The following KLF8 variants were observed in gnomAD, a reference collection of about 807,000 sequenced individuals.
KLF8 encodes the protein Krueppel-like factor 8.
KLF8 carries 10 observed loss-of-function variants against 18.2 expected under a neutral mutation model. The observed-to-expected ratio is 0.55, with a 90% CI of 0.34 to 0.93. The LOEUF (loss-of-function observed/expected upper bound fraction) is 0.93, where lower values mean the gene tolerates loss of function less well. KLF8 is among the 40% of genes least tolerant of loss of function. The probability of loss-of-function intolerance (pLI) is 0.02; values close to 1 mark genes in which losing one functional copy is unlikely to be tolerated. For missense variants in KLF8, 264 were observed against 277.9 expected (o/e 0.95, Z 0.36); for synonymous variants, 109 against 97.3 (o/e 1.12, Z -0.71).
the KLF8 span, among the ~76,000 whole-genome samples, chrX:55,920,609 C>T: frequency 3.7e-5 from 4 of 107,928 alleles, no homozygotes; most frequent in African/African-American, 1.0e-4. Flanking sequence ...CAAGGACACA[C>T]TTAGAGAAAT....
chrX:56,003,329 G>A, the KLF8 span, among the ~76,000 whole-genome samples: 2 of 110,778 alleles, frequency 1.8e-5, no homozygotes, highest in African/African-American at 6.6e-5. Context: ...AGAATTGCTT[G>A]AACCTGGGAG....
the KLF8 span, among the ~76,000 whole-genome samples, chrX:56,050,053 A>C: frequency 2.2e-4 from 24 of 108,609 alleles, no homozygotes; most frequent in Admixed American, 9.8e-5. Context: ...GTTTATTTGC[A>C]TAGAGGTGTT....
the KLF8 span, among the ~76,000 whole-genome samples, chrX:55,934,903 T>C: frequency 1.8e-5 from 2 of 111,776 alleles, no homozygotes; most frequent in Non-Finnish European, 3.8e-5. Context: ...GAGACCACAG[T>C]AACCTGGTTT....
At chrX:56,044,979 GCCAATGTCTAGAAGGGGTTTT>G in the KLF8 span, among the ~76,000 whole-genome samples, 1 of 112,359 alleles carries the variant, frequency 8.9e-6, no homozygotes, top group Non-Finnish European at 1.9e-5. Flanking sequence ...CTTTGCCTAA[GCCAATGTCTAGAAGGGGTTTT>G]CCAACATTCT....
At chrX:56,284,015 G>A (rs1475869715) in intron 5 of KLF8, among the ~76,000 whole-genome samples, 1 of 111,705 alleles carries the variant, frequency 9.0e-6, no homozygotes, top group Non-Finnish European at 1.9e-5. Flanking sequence ...AAATCAATGA[G>A]AGAGTAGATT....
the KLF8 span, among the ~76,000 whole-genome samples, chrX:56,186,541 A>G: frequency 9.0e-6 from 1 of 111,708 alleles, no homozygotes; most frequent in East Asian, 2.8e-4. Flanking sequence ...AGACATCTAC[A>G]GAACTCTCCA....
chrX:56,130,852 G>T, the KLF8 span, among the ~76,000 whole-genome samples: 13 of 111,646 alleles, frequency 1.2e-4, no homozygotes, highest in Non-Finnish European at 2.3e-4. Flanking sequence ...ACAGAGAAAT[G>T]CGAAATGTAC....
At chrX:55,915,276 A>T in the KLF8 span, among the ~76,000 whole-genome samples, 1 of 111,920 alleles carries the variant, frequency 8.9e-6, no homozygotes, top group African/African-American at 3.2e-5. Context: ...AGAAACTGGG[A>T]ATACTCTGCT....
the KLF8 span, among the ~76,000 whole-genome samples, chrX:55,920,414 C>T: frequency 9.0e-6 from 1 of 111,439 alleles, no homozygotes; most frequent in Non-Finnish European, 1.9e-5. Flanking sequence ...GGATCCAAAC[C>T]ATGACGAAAT....
the KLF8 span, among the ~76,000 whole-genome samples, chrX:56,069,276 A>T: frequency 1.8e-5 from 2 of 111,675 alleles, no homozygotes; most frequent in African/African-American, 6.5e-5. Flanking sequence ...CACTGATCTA[A>T]TCCCTGCCAC....
At position 56,245,618 on chromosome X, in the gene KLF8, T is replaced by C. The variant is rs1242074974; in HGVS notation, c.8-4613T>C. Among the ~76,000 whole-genome samples the C allele has an allele frequency of 7.1e-5, 8 of 112,042 alleles. No homozygotes were observed. In the Admixed American group the frequency reaches 7.6e-4, roughly 11 times the overall value. On this transcript the variant is annotated intron_variant, in intron 1 of 5. Coordinates refer to ENST00000468660, the MANE Select transcript of KLF8 (RefSeq NM_007250.5). ...TAGGAGAAGGACCAGAAAGTCCAGC[T>C]TGTAGACACAAAGGCTTGAAGAGCC...
the KLF8 span, among the ~76,000 whole-genome samples, chrX:56,056,264 C>T: frequency 6.4e-5 from 7 of 109,912 alleles, no homozygotes; most frequent in Admixed American, 9.8e-5. Flanking sequence ...ATTTTATTTA[C>T]GCCCTTTATG....
At chrX:56,250,559 T>C (rs896244827) in intron 2 of KLF8, among the ~76,000 whole-genome samples, 1 of 111,779 alleles carries the variant, frequency 8.9e-6, no homozygotes, top group African/African-American at 3.3e-5. Context: ...TAGTAGACAA[T>C]AGCAACTATT....
the KLF8 span, among the ~76,000 whole-genome samples, chrX:56,159,507 C>T: frequency 2.7e-5 from 3 of 112,453 alleles, no homozygotes; most frequent in Non-Finnish European, 5.6e-5. Flanking sequence ...GCTGTGAATC[C>T]ATCTGGTCCT....
In KLF8 at chrX:56,281,244, A is replaced by G. The variant is rs141618821; in HGVS notation, c.899-3069A>G. 2.2e-4 allele frequency among the ~76,000 whole-genome samples: 24 copies of G among 111,391 alleles called. No individual in the cohort carries two copies. In the East Asian group the frequency reaches 6.8e-3, roughly 32 times the overall value. On this transcript the variant is annotated intron_variant, in intron 5 of 5. Transcript: ENST00000468660. ...CATAATACTCTTGTAAGGATGTTCC[A>G]TGCTCCAAGACAGCTGACCCTATAT...
chrX:56,006,815 C>T, the KLF8 span, among the ~76,000 whole-genome samples: 4 of 112,041 alleles, frequency 3.6e-5, no homozygotes, highest in Admixed American at 3.8e-4. Flanking sequence ...TTGACTGTGG[C>T]AGGTTGACAG....
At chrX:56,040,800 C>CTTTTTTTTTTGTTTTTT in the KLF8 span, among the ~76,000 whole-genome samples, 1 of 6,027 alleles carries the variant, frequency 1.7e-4, no homozygotes, top group Non-Finnish European at 4.6e-4. Context: ...ATGATACCAG[C>CTTTTTTTTTTGTTTTTT]TTTTTTTTTT....
the KLF8 span, among the ~76,000 whole-genome samples, chrX:56,106,981 C>G: frequency 8.9e-6 from 1 of 112,068 alleles, no homozygotes; most frequent in Non-Finnish European, 1.9e-5. Context: ...CCCTCAGCTG[C>G]AGGTCTGTTG....
the KLF8 span, among the ~76,000 whole-genome samples, chrX:56,182,740 G>A: frequency 8.9e-6 from 1 of 112,760 alleles, no homozygotes; most frequent in Admixed American, 9.4e-5. Flanking sequence ...GTCCCCTCCA[G>A]ACCCTGTTTG....
Sources: allele counts gnomAD v4.1 joint callset (sites outside exome capture counted in the v4.1 genomes callset), GRCh38; gene constraint gnomAD v4.1.1; transcripts MANE v1.5; gene names NCBI Gene and HGNC (gene_info 2026-07-23, HGNC 2026-07-21).